The following ODAPH variants were observed in gnomAD, a reference collection of about 807,000 sequenced individuals.
ODAPH encodes amelogenesis imperfecta type IIA4.
Under a neutral mutation model 2.8 loss-of-function variants are expected in ODAPH, and 2 were observed. The observed-to-expected ratio is 0.72, with a 90% CI of 0.30 to 2.28. The LOEUF is 2.28. Ranked by LOEUF, ODAPH falls within the 30% of genes most tolerant of loss-of-function variation. ODAPH has a pLI of 0.13. For synonymous variants in ODAPH, 75 were observed against 60.3 expected (o/e 1.24, Z -1.13); for missense variants, 159 against 163.3 (o/e 0.97, Z 0.14).
At chr4:75,562,082 G>T (rs1325313605) in intron 1 of ODAPH, among the ~76,000 whole-genome samples, 1 of 152,164 alleles carries the variant, frequency 6.6e-6, no homozygotes, top group Non-Finnish European at 1.5e-5. Flanking sequence ...GAATCTGATT[G>T]GTCACTGACC....
chr4:75,559,240 C>T (rs1186752593), intron 1 of ODAPH, among the ~76,000 whole-genome samples: 3 of 152,188 alleles, frequency 2.0e-5, no homozygotes, highest in Non-Finnish European at 4.4e-5. Flanking sequence ...CCCAGTAGCC[C>T]TATCTTTAAT....
downstream of ODAPH, chr4:75,565,301 A>G (rs1727769788): frequency 6.6e-6 from 1 of 152,084 alleles, no homozygotes; most frequent in African/African-American, 2.4e-5. Flanking sequence ...CCCAGCCCCA[A>G]ATAATTACTT....
At chr4:75,560,896 C>G (rs943544010) in intron 1 of ODAPH, among the ~76,000 whole-genome samples, 2 of 152,144 alleles carry the variant, frequency 1.3e-5, no homozygotes, top group Non-Finnish European at 2.9e-5. Context: ...CCTGAGCTGA[C>G]AGCAAAATGT....
At chr4:75,556,634 C>T in intron 1 of ODAPH, 1 of 1,433,216 alleles carries the variant, frequency 7.0e-7, no homozygotes, top group Non-Finnish European at 9.5e-7. Context: ...ATCTATTGAG[C>T]TGCATTTTGG....
intron 1 of ODAPH, among the ~76,000 whole-genome samples, chr4:75,557,520 T>C (rs2148840450): frequency 6.6e-6 from 1 of 152,194 alleles, no homozygotes; most frequent in Middle Eastern, 3.4e-3. Context: ...ATGCCTGTAA[T>C]CCCAGCTACT....
At chr4:75,561,347 C>G (rs546693350) in intron 1 of ODAPH, among the ~76,000 whole-genome samples, 14 of 151,716 alleles carry the variant, frequency 9.2e-5, no homozygotes, top group African/African-American at 3.1e-4. Context: ...GGGATTTGGT[C>G]GTTTTCTGCA....
chr4:75,558,611 A>G (rs1450970039), intron 1 of ODAPH, among the ~76,000 whole-genome samples: 1 of 152,152 alleles, frequency 6.6e-6, no homozygotes, highest in Non-Finnish European at 1.5e-5. Flanking sequence ...CTAGACTATA[A>G]TAAACCACCT....
Position 75,564,375 on chromosome 4 carries a change from A to G in ODAPH, c.329A>G (p.Tyr110Cys), listed in dbSNP as rs1000519307. ...PFQPFYWPHRYLTYRYFPRRR... is the reference protein window; with the variant it reads ...PFQPFYWPHRCLTYRYFPRRR... Reference sequence around the variant, plus strand: ...CAGCCATTTTATTGGCCACACCGTTACCTTACTTATAGGTATTTCCCCAGA... The same window carrying G: ...CAGCCATTTTATTGGCCACACCGTTGCCTTACTTATAGGTATTTCCCCAGA... The change falls in exon 2 of 2, where the codon TAC becomes TGC. Residue 110 changes from tyrosine (Y) to cysteine (C), a missense_variant. Physicochemically the swap from Tyr to Cys is radical, Grantham distance 194. Transcript: ENST00000311623. 4 of 1,614,042 alleles carry G rather than the reference A, an allele frequency of 2.5e-6. No homozygotes were observed. In the African/African-American group the frequency reaches 4.0e-5, roughly 16 times the overall value.
Position 75,563,005 on chromosome 4 carries a change from CTTTT to C in ODAPH, c.68-1075_68-1072del, listed in dbSNP as rs542417085. ...TTTACATGCAATAAAATCCACACAT[CTTTT>C]TTTTTTTTTTTTTTTTTTTTTTTTT... On this transcript the variant is annotated intron_variant, in intron 1 of 1. Transcript: ENST00000311623. Among the ~76,000 whole-genome samples the C allele has an allele frequency of 1.7e-3, 101 of 59,578 alleles. 2 individuals are homozygous for C. The highest frequency in any genetic ancestry group is 4.8e-3 in the Admixed American group (18 of 3,772). 39.1% of individuals were successfully genotyped at this position (59,578 alleles called of 152,430 possible). A position where few individuals can be genotyped will look rare whatever the true frequency, so the allele number is the denominator to read the frequency against.
chr4:75,560,574 G>A (rs1727520132), intron 1 of ODAPH, among the ~76,000 whole-genome samples: 1 of 152,176 alleles, frequency 6.6e-6, no homozygotes, highest in African/African-American at 2.4e-5. Flanking sequence ...GATCACCATA[G>A]GTCTAGTTTG....
chr4:75,559,561 T>C (rs1727479460), intron 1 of ODAPH, among the ~76,000 whole-genome samples: 1 of 152,254 alleles, frequency 6.6e-6, no homozygotes, highest in Non-Finnish European at 1.5e-5. Flanking sequence ...TTAAACACTT[T>C]GCTATTCTGC....
rs550691263 is a variant in ODAPH at position 75,556,161 on chromosome 4, G to C, written c.67+12G>C. 12 of 1,613,642 alleles carry C rather than the reference G, an allele frequency of 7.4e-6. No individual in the cohort carries two copies. The East Asian group carries it at 2.2e-4, about 30-fold the overall frequency. ...AACTGTGGCAGAAGGTAAGGGTTTTGCTTTTATTCTACTGTGGGTCCACTA... is the reference window on the plus strand; with the variant it reads ...AACTGTGGCAGAAGGTAAGGGTTTTCCTTTTATTCTACTGTGGGTCCACTA... On this transcript the variant is annotated intron_variant, in intron 1 of 1. Coordinates refer to ENST00000311623, the MANE Select transcript of ODAPH (RefSeq NM_178497.5).
intron 1 of ODAPH, among the ~76,000 whole-genome samples, chr4:75,562,345 T>C (rs180952961): frequency 6.6e-6 from 1 of 151,620 alleles, no homozygotes; most frequent in East Asian, 1.9e-4. Flanking sequence ...AGTTCTTTTT[T>C]TTTTTTTTTT....
Position 75,561,189 on chromosome 4 carries a change from A to T in ODAPH, c.68-2925A>T, listed in dbSNP as rs966227926. Among the ~76,000 whole-genome samples, 3 of 132,520 alleles carry T rather than the reference A, an allele frequency of 2.3e-5. No homozygotes were observed. In the East Asian group the frequency reaches 7.1e-4, roughly 31 times the overall value. 86.9% of individuals were successfully genotyped at this position (132,520 alleles called of 152,430 possible). On this transcript the variant is annotated intron_variant, in intron 1 of 1. Coordinates refer to ENST00000311623, the MANE Select transcript of ODAPH (RefSeq NM_178497.5). ...CAGTGAGCCGAGATCGCGCCACTGC[A>T]CTCCAGCCTGGGCAACAGAGCGAAA...
chr4:75,564,506 A>C lies in ODAPH; in HGVS notation c.*67A>C, dbSNP rs1196649234. The C allele has an allele frequency of 6.2e-7, 1 of 1,612,562 alleles. No individual in the cohort carries two copies. The highest frequency in any genetic ancestry group is 1.7e-5 in the Admixed American group (1 of 59,784). On this transcript the variant is annotated 3_prime_UTR_variant, in exon 2 of 2. Transcript: ENST00000311623. ...TATCCTTCAGAAAAAAGCAACAAAAAGATTTCTGTTTTATCTTTCGAAACT... is the reference window on the plus strand; with the variant it reads ...TATCCTTCAGAAAAAAGCAACAAAACGATTTCTGTTTTATCTTTCGAAACT...
rs534310983 is a variant in ODAPH at position 75,564,124 on chromosome 4, G to A, written c.78G>A (p.Glu26=). 2 of 1,614,148 alleles carry A rather than the reference G, an allele frequency of 1.2e-6. No homozygotes were observed. The highest frequency in any genetic ancestry group is 1.3e-5 in the African/African-American group (1 of 75,038). Residue 26 remains glutamate, a synonymous_variant, in exon 2 of 2, where the codon GAG becomes GAA. Coordinates refer to ENST00000311623, the MANE Select transcript of ODAPH (RefSeq NM_178497.5). The part of the protein sequence containing the change: ...LVVTVAEGQE[E]VFTPPGDSQN... ...TTTTCCTCTCCACAGGACAAGAAGA[G>A]GTATTTACGCCTCCTGGAGATTCAC... is the stretch of plus-strand genomic sequence containing the variant.
chr4:75,560,878 T>C (rs2148842894), intron 1 of ODAPH, among the ~76,000 whole-genome samples: 1 of 152,240 alleles, frequency 6.6e-6, no homozygotes. Context: ...GCTCAAGGCC[T>C]CGTTAAGCCT....
At chr4:75,556,712 A>C in intron 1 of ODAPH, 1 of 717,618 alleles carries the variant, frequency 1.4e-6, no homozygotes, top group East Asian at 2.7e-5. Flanking sequence ...AACTGTTCCT[A>C]TTCTCTTTCT....
chr4:75,560,836 A>G (rs2148842865), intron 1 of ODAPH, among the ~76,000 whole-genome samples: 1 of 152,326 alleles, frequency 6.6e-6, no homozygotes, highest in African/African-American at 2.4e-5. Context: ...GGTGGTTTTT[A>G]ACAGCTGGAG....
Sources: allele counts gnomAD v4.1 joint callset (sites outside exome capture counted in the v4.1 genomes callset), GRCh38; gene constraint gnomAD v4.1.1; transcripts MANE v1.5; gene names NCBI Gene and HGNC (gene_info 2026-07-23, HGNC 2026-07-21).